The following RBFOX1 variants were observed in gnomAD, a reference collection of about 807,000 sequenced individuals.
RBFOX1 encodes RNA binding fox-1 homolog 1, also known as RNA binding protein fox-1 homolog 1.
In RBFOX1, 8 loss-of-function variants were observed where a neutral mutation model predicts 57.7. That is an observed-to-expected ratio of 0.14 (90% CI 0.08 to 0.25). RBFOX1 has a LOEUF of 0.25. Among genes scored for constraint, RBFOX1 ranks in the 10% least tolerant of loss-of-function variants. RBFOX1 has a pLI of 1.00. For missense variants in RBFOX1, 611 were observed against 548.5 expected (o/e 1.11, Z -1.14); for synonymous variants, 326 against 222.4 (o/e 1.47, Z -4.15).
chr16:7,382,953 T>C (rs1484485240), intron 4 of RBFOX1, among the ~76,000 whole-genome samples: 1 of 152,022 alleles, frequency 6.6e-6, no homozygotes, highest in East Asian at 1.9e-4. Context: ...GGTTCCACAT[T>C]GAAGAGAAAA....
chr16:6,286,290 C>G (rs776589350), intron 1 of RBFOX1, among the ~76,000 whole-genome samples: 4 of 152,308 alleles, frequency 2.6e-5, no homozygotes, highest in Non-Finnish European at 5.9e-5. Flanking sequence ...ATTAAAGACA[C>G]ATTCCCAGAC....
chr16:5,463,174 G>T lies in RBFOX1; in HGVS notation c.220-4042G>T, dbSNP rs530225440. On this transcript the variant is annotated intron_variant, in intron 1 of 2. Transcript: ENST00000585867. ...CTTCCAGGGTTGAGTTTGGAGAGTA[G>T]TAGGGAGTTTTCTCTTCCTTTATAA... 4.9e-4 allele frequency among the ~76,000 whole-genome samples: 74 copies of T among 152,300 alleles called. 3 individuals carry two copies. The South Asian group carries it at 8.5e-3, about 17-fold the overall frequency.
intron 4 of RBFOX1, among the ~76,000 whole-genome samples, chr16:5,990,282 G>A (rs1382691078): frequency 6.6e-6 from 1 of 152,086 alleles, no homozygotes; most frequent in Non-Finnish European, 1.5e-5. Flanking sequence ...TGAGCCCACT[G>A]TACCCAGCCC....
chr16:7,026,483 C>T (rs1431654530), intron 3 of RBFOX1, among the ~76,000 whole-genome samples: 3 of 152,016 alleles, frequency 2.0e-5, no homozygotes, highest in African/African-American at 7.2e-5. Flanking sequence ...TTCACACTTC[C>T]AATCTGCCTC....
At chr16:6,611,265 G>C (rs1273271647) in intron 2 of RBFOX1, among the ~76,000 whole-genome samples, 3 of 152,142 alleles carry the variant, frequency 2.0e-5, no homozygotes, top group African/African-American at 4.8e-5. Flanking sequence ...TCCTGCCTCA[G>C]CCTCCCAAAT....
chr16:5,615,851 C>T (rs2053570856), intron 3 of RBFOX1, among the ~76,000 whole-genome samples: 1 of 152,174 alleles, frequency 6.6e-6, no homozygotes, highest in Non-Finnish European at 1.5e-5. Flanking sequence ...CTTTTTTAAG[C>T]TGTGGACTTT....
chr16:7,663,075 G>A (rs755805934), intron 12 of RBFOX1, among the ~76,000 whole-genome samples: 14 of 152,192 alleles, frequency 9.2e-5, no homozygotes, highest in Admixed American at 3.3e-4. Flanking sequence ...GGGATGGAGC[G>A]GTTTTGATAT....
At chr16:6,607,612 T>C (rs1359709720) in intron 2 of RBFOX1, among the ~76,000 whole-genome samples, 1 of 150,688 alleles carries the variant, frequency 6.6e-6, no homozygotes, top group East Asian at 1.9e-4. Flanking sequence ...CCTCTCTCTT[T>C]CTCTCTCTTC....
intron 3 of RBFOX1, among the ~76,000 whole-genome samples, chr16:6,656,311 A>T (rs1209289449): frequency 2.0e-5 from 3 of 152,180 alleles, no homozygotes; most frequent in Non-Finnish European, 4.4e-5. Flanking sequence ...TATCTTTTTT[A>T]AAAATTTAAT....
chr16:7,564,638 C>T (rs1601922574), intron 5 of RBFOX1, among the ~76,000 whole-genome samples: 1 of 149,664 alleles, frequency 6.7e-6, no homozygotes. Context: ...TGATCCTGCA[C>T]TACCAGCCTC....
At position 7,244,615 on chromosome 16, in the gene RBFOX1, G is replaced by C. The variant is rs533235778; in HGVS notation, c.27+192517G>C. 5.9e-5 allele frequency among the ~76,000 whole-genome samples: 9 copies of C among 152,316 alleles called. No homozygotes were observed. In the East Asian group the frequency reaches 1.2e-3, roughly 20 times the overall value. On this transcript the variant is annotated intron_variant, in intron 4 of 15. Coordinates refer to ENST00000550418, the MANE Select transcript of RBFOX1 (RefSeq NM_018723.4). ...ACACAATGGGGTTGGCCTAGGGCTCGAGTTAGATTCAGTATTCAACCAATG... is the reference window on the plus strand; with the variant it reads ...ACACAATGGGGTTGGCCTAGGGCTCCAGTTAGATTCAGTATTCAACCAATG...
intron 4 of RBFOX1, among the ~76,000 whole-genome samples, chr16:7,142,196 GTA>G (rs1313057987): frequency 6.6e-6 from 1 of 151,956 alleles, no homozygotes; most frequent in Non-Finnish European, 1.5e-5. Flanking sequence ...ACCAATTTCT[GTA>G]TGTTTTGTAA....
intron 2 of RBFOX1, among the ~76,000 whole-genome samples, chr16:6,554,294 A>T (rs2097052691): frequency 6.6e-6 from 1 of 152,174 alleles, no homozygotes; most frequent in South Asian, 2.1e-4. Context: ...ATTTAGCCTA[A>T]TGTTTTTAAG....
intron 3 of RBFOX1, among the ~76,000 whole-genome samples, chr16:7,005,150 C>CA (rs952976394): frequency 6.6e-6 from 1 of 151,418 alleles, no homozygotes; most frequent in Non-Finnish European, 1.5e-5. Context: ...ATCTCAAAAA[C>CA]AAAAAACGAA....
At chr16:6,658,712 A>T (rs1228671089) in intron 3 of RBFOX1, among the ~76,000 whole-genome samples, 2 of 152,106 alleles carry the variant, frequency 1.3e-5, no homozygotes, top group East Asian at 3.9e-4. Context: ...GTTTATGGGG[A>T]AATTCATAAT....
At chr16:6,356,867 C>T (rs1234826036) in intron 2 of RBFOX1, among the ~76,000 whole-genome samples, 1 of 152,104 alleles carries the variant, frequency 6.6e-6, no homozygotes, top group Non-Finnish European at 1.5e-5. Flanking sequence ...TGTGGGAACT[C>T]TCTGTACTCT....
intron 1 of RBFOX1, among the ~76,000 whole-genome samples, chr16:5,423,388 A>G (rs184032385): frequency 5.3e-5 from 8 of 152,280 alleles, no homozygotes; most frequent in African/African-American, 1.7e-4. Flanking sequence ...TTTATGTAAC[A>G]ACAAATGCAA....
At chr16:6,829,035 A>T (rs1275323924) in intron 3 of RBFOX1, among the ~76,000 whole-genome samples, 1 of 152,082 alleles carries the variant, frequency 6.6e-6, no homozygotes, top group Non-Finnish European at 1.5e-5. Flanking sequence ...CCTTCTTGAG[A>T]CGGTGTCAAG....
At chr16:7,035,447 T>C (rs1402927275) in intron 3 of RBFOX1, among the ~76,000 whole-genome samples, 2 of 152,208 alleles carry the variant, frequency 1.3e-5, no homozygotes, top group Admixed American at 1.3e-4. Flanking sequence ...AGAATATTTA[T>C]TTGAATATTA....
Sources: allele counts gnomAD v4.1 joint callset (sites outside exome capture counted in the v4.1 genomes callset), GRCh38; gene constraint gnomAD v4.1.1; transcripts MANE v1.5; gene names NCBI Gene and HGNC (gene_info 2026-07-23, HGNC 2026-07-21).